Variants in OR9Q1 observed in about 807,000 individuals in gnomAD.
The protein encoded by OR9Q1 is olfactory receptor family 9 subfamily Q member 1.
For synonymous variants in OR9Q1, 153 were observed against 148.6 expected (o/e 1.03, Z -0.22); for missense variants, 374 against 378.8 (o/e 0.99, Z 0.11).
intron 2 of OR9Q1, among the ~76,000 whole-genome samples, chr11:58,064,289 A>G (rs569536195): frequency 3.0e-4 from 45 of 152,348 alleles, no homozygotes; most frequent in African/African-American, 9.9e-4. Flanking sequence ...GAAATGTTCT[A>G]GTCCAATACT....
At chr11:58,109,247 C>G in intron 2 of OR9Q1, 1 of 463,730 alleles carries the variant, frequency 2.2e-6, no homozygotes, top group Non-Finnish European at 4.4e-6. Context: ...CTGCAGGTAC[C>G]TGGAGTCATG....
intron 1 of OR9Q1, among the ~76,000 whole-genome samples, chr11:58,032,610 A>G (rs572144020): frequency 6.6e-6 from 1 of 152,338 alleles, no homozygotes; most frequent in South Asian, 2.1e-4. Context: ...ATATTCAAAA[A>G]TTAAGATGGA....
intron 2 of OR9Q1, chr11:58,077,880 G>A (rs533622405): frequency 1.3e-5 from 2 of 152,220 alleles, no homozygotes; most frequent in South Asian, 2.1e-4. Flanking sequence ...ATGTCAGCCA[G>A]GCATGGTGGC....
chr11:58,180,972 A>G lies in OR9Q1; in HGVS notation c.*595A>G, dbSNP rs1187348813. On this transcript the variant is annotated 3_prime_UTR_variant, in exon 3 of 3. Coordinates refer to ENST00000335397, the MANE Select transcript of OR9Q1 (RefSeq NM_001005212.4). Reference sequence around the variant, plus strand: ...AATATTTAGATTACATTTATTTTTAATGATCAAACTATGGTCGTTTGATGA... The same window carrying G: ...AATATTTAGATTACATTTATTTTTAGTGATCAAACTATGGTCGTTTGATGA... 1 of 167,010 alleles carries G rather than the reference A, an allele frequency of 6.0e-6. No homozygotes were observed. The highest frequency in any genetic ancestry group is 2.4e-5 in the African/African-American group (1 of 41,424). The allele number at this position is 167,010 out of a possible 1,614,324, so 10.3% of individuals were successfully genotyped here.
chr11:58,099,571 G>A (rs532518155), intron 2 of OR9Q1, among the ~76,000 whole-genome samples: 13 of 152,004 alleles, frequency 8.6e-5, no homozygotes, highest in African/African-American at 2.4e-4. Context: ...ATAATTTTCC[G>A]TTCTTTTATT....
At chr11:58,046,902 C>T (rs1853222442) in intron 1 of OR9Q1, among the ~76,000 whole-genome samples, 1 of 151,960 alleles carries the variant, frequency 6.6e-6, no homozygotes, top group Non-Finnish European at 1.5e-5. Context: ...CCTCTGGTGA[C>T]CTTAGATACT....
At chr11:58,043,083 C>T (rs552841100) in intron 1 of OR9Q1, among the ~76,000 whole-genome samples, 4 of 152,120 alleles carry the variant, frequency 2.6e-5, no homozygotes, top group African/African-American at 7.2e-5. Context: ...ACAATCATGT[C>T]GTCTGCAAAT....
chr11:58,164,103 C>T lies in OR9Q1; in HGVS notation c.-14-15328C>T, dbSNP rs772708249. On this transcript the variant is annotated intron_variant, in intron 2 of 2. Transcript: ENST00000335397. ...AACTAGTAGAGTCTTACGCTGGAGC[C>T]GGAGCCTGCAGACAGAGGATATTCC... Among the ~76,000 whole-genome samples, 77 of 152,104 alleles carry T rather than the reference C, an allele frequency of 5.1e-4. 1 individual carries two copies. The highest frequency in any genetic ancestry group is 1.2e-4 in the Non-Finnish European group (8 of 68,024).
intron 2 of OR9Q1, among the ~76,000 whole-genome samples, chr11:58,122,897 A>G (rs1243879763): frequency 6.6e-6 from 1 of 151,916 alleles, no homozygotes; most frequent in Non-Finnish European, 1.5e-5. Flanking sequence ...ATATTGTGAC[A>G]TAAATCTCAT....
chr11:58,071,918 G>T (rs1853491787), intron 2 of OR9Q1, among the ~76,000 whole-genome samples: 1 of 152,162 alleles, frequency 6.6e-6, no homozygotes, highest in South Asian at 2.1e-4. Flanking sequence ...TGAGGGTGGA[G>T]GGTAGGAGGA....
chr11:58,174,387 T>C (rs966038400), intron 2 of OR9Q1, among the ~76,000 whole-genome samples: 1 of 152,146 alleles, frequency 6.6e-6, no homozygotes, highest in Non-Finnish European at 1.5e-5. Flanking sequence ...CTAAATCCTG[T>C]CTGGCCACAG....
At chr11:58,076,065 G>A (rs1472643552) in intron 2 of OR9Q1, among the ~76,000 whole-genome samples, 2 of 152,196 alleles carry the variant, frequency 1.3e-5, no homozygotes, top group Non-Finnish European at 2.9e-5. Context: ...TGGCAGACAT[G>A]AGTACCTGTG....
intron 2 of OR9Q1, chr11:58,118,289 G>A (rs1429938904): frequency 4.0e-6 from 2 of 502,470 alleles, no homozygotes; most frequent in Non-Finnish European, 3.5e-6. Context: ...CTAAGGAATG[G>A]ATTGAAAGTG....
At chr11:58,098,802 C>T (rs898160002) in intron 2 of OR9Q1, among the ~76,000 whole-genome samples, 2 of 152,084 alleles carry the variant, frequency 1.3e-5, no homozygotes, top group African/African-American at 4.8e-5. Flanking sequence ...GAGTCGGAAG[C>T]TTGGATCATT....
intron 2 of OR9Q1, among the ~76,000 whole-genome samples, chr11:58,070,127 G>A (rs1289369486): frequency 6.6e-6 from 1 of 151,196 alleles, no homozygotes; most frequent in East Asian, 2.0e-4. Flanking sequence ...TCAGCCTCCC[G>A]AGTAGCTGGG....
At chr11:58,031,865 C>G (rs1456047766) in intron 1 of OR9Q1, 3 of 1,613,658 alleles carry the variant, frequency 1.9e-6, no homozygotes, top group Non-Finnish European at 2.5e-6. Flanking sequence ...GAAGGGAGCT[C>G]TGGGTCGAGT....
At chr11:58,170,391 ACT>A (rs1376940762) in intron 2 of OR9Q1, among the ~76,000 whole-genome samples, 1 of 151,640 alleles carries the variant, frequency 6.6e-6, no homozygotes, top group Non-Finnish European at 1.5e-5. Context: ...AATGGTATAA[ACT>A]CTCTGCTTCC....
intron 2 of OR9Q1, among the ~76,000 whole-genome samples, chr11:58,140,182 A>G (rs1031987481): frequency 1.3e-5 from 2 of 152,060 alleles, no homozygotes; most frequent in Non-Finnish European, 2.9e-5. Flanking sequence ...GATTCTGGAT[A>G]TTAGCCCTTT....
chr11:58,128,560 A>G (rs540393309), intron 2 of OR9Q1, among the ~76,000 whole-genome samples: 1 of 152,198 alleles, frequency 6.6e-6, no homozygotes, highest in African/African-American at 2.4e-5. Context: ...CAAATGTCAG[A>G]TCTATCGCGT....
Sources: allele counts gnomAD v4.1 joint callset (sites outside exome capture counted in the v4.1 genomes callset), GRCh38; gene constraint gnomAD v4.1.1; transcripts MANE v1.5; gene names NCBI Gene and HGNC (gene_info 2026-07-23, HGNC 2026-07-21).